Variants in LRCH3 observed in about 807,000 individuals in gnomAD.
The protein encoded by LRCH3 is leucine rich repeats and calponin homology domain containing 3, also known as DISP complex protein LRCH3.
Under a neutral mutation model 104.5 loss-of-function variants are expected in LRCH3, and 68 were observed. The observed-to-expected ratio is 0.65, with a 90% CI of 0.54 to 0.80. The LOEUF is 0.80. LRCH3 is among the 30% of genes least tolerant of loss of function. The pLI is 0.00. For synonymous variants in LRCH3, 344 were observed against 361.3 expected (o/e 0.95, Z 0.54); for missense variants, 951 against 953.9 (o/e 1.00, Z 0.04).
chr3:197,863,387 A>C (rs1741104518), intron 15 of LRCH3, among the ~76,000 whole-genome samples: 1 of 152,008 alleles, frequency 6.6e-6, no homozygotes, highest in Non-Finnish European at 1.5e-5. Flanking sequence ...TCAGCCTCCC[A>C]AGTAGCTGGG....
intron 13 of LRCH3, among the ~76,000 whole-genome samples, chr3:197,852,927 C>T (rs546877893): frequency 3.0e-4 from 46 of 152,214 alleles, no homozygotes; most frequent in Non-Finnish European, 5.0e-4. Flanking sequence ...GGAGCTTTAC[C>T]TGGTACAGGT....
At chr3:197,862,932 A>G (rs1741052490) in intron 15 of LRCH3, among the ~76,000 whole-genome samples, 2 of 152,226 alleles carry the variant, frequency 1.3e-5, no homozygotes, top group Admixed American at 1.3e-4. Context: ...TGTTACCAGA[A>G]AATTGTCTCC....
intron 3 of LRCH3, among the ~76,000 whole-genome samples, chr3:197,819,399 A>G (rs1272946269): frequency 6.6e-6 from 1 of 151,264 alleles, no homozygotes; most frequent in African/African-American, 2.4e-5. Context: ...AACCATTTTA[A>G]TGCCTAGAGC....
chr3:197,818,997 G>A (rs138098819), intron 3 of LRCH3, among the ~76,000 whole-genome samples: 3,949 of 151,992 alleles, frequency 0.026, 87 homozygotes, highest in Non-Finnish European at 0.037. Context: ...GTGGTGGCAC[G>A]CACCTGTTAT....
At position 197,872,360 on chromosome 3, in the gene LRCH3, GAAAAA is replaced by G. The variant is rs56254857; in HGVS notation, c.2130+914_2130+918del. 1.5e-4 allele frequency among the ~76,000 whole-genome samples: 16 copies of G among 105,384 alleles called. No homozygotes were observed. The East Asian group carries it at 1.6e-3, about 11-fold the overall frequency. 69.1% of individuals were successfully genotyped at this position (105,384 alleles called of 152,430 possible). ...TGAGAGAGCAAGACCCTGTCTCAAAGAAAAAAAAAAAAAAAAAAAAGGAATGATGA... is the reference window on the plus strand; with the variant it reads ...TGAGAGAGCAAGACCCTGTCTCAAAGAAAAAAAAAAAAAAAGGAATGATGA... On this transcript the variant is annotated intron_variant, in intron 19 of 20. Coordinates refer to ENST00000425562, the MANE Select transcript of LRCH3 (RefSeq NM_001365715.1).
In LRCH3 at chr3:197,832,227, C is replaced by A. The variant is rs765987791; in HGVS notation, c.1012C>A (p.Arg338=). The A allele has an allele frequency of 6.8e-6, 11 of 1,612,576 alleles. No homozygotes were observed. The highest frequency in any genetic ancestry group is 9.3e-6 in the Non-Finnish European group (11 of 1,178,926). Residue 338 remains arginine (R), a synonymous_variant, in exon 8 of 21, where the codon CGA becomes AGA. Coordinates refer to ENST00000425562, the MANE Select transcript of LRCH3 (RefSeq NM_001365715.1). Reference sequence around the variant, plus strand: ...AGATGAATTTTCAGATCTGCCTCTTCGAGTAGCAGAGATTACTAAAGAACA... The same window carrying A: ...AGATGAATTTTCAGATCTGCCTCTTAGAGTAGCAGAGATTACTAAAGAACA... ...PTDEFSDLPL[R]VAEITKEQRL... is the part of the protein sequence containing the mutation.
At chr3:197,815,148 T>C in intron 2 of LRCH3, 96 bp downstream of exon 2, 1 of 675,520 alleles carries the variant, frequency 1.5e-6, no homozygotes. Flanking sequence ...ATATGCTATC[T>C]ATTCATATCA....
At chr3:197,870,370 A>T (rs1038015272) in intron 18 of LRCH3, 92 bp downstream of exon 18, 27 of 1,285,582 alleles carry the variant, frequency 2.1e-5, no homozygotes, top group Non-Finnish European at 2.5e-5. Flanking sequence ...CATCATTTTT[A>T]TTTATTTTTT....
chr3:197,819,670 C>T (rs1310581427), intron 3 of LRCH3, among the ~76,000 whole-genome samples: 1 of 151,366 alleles, frequency 6.6e-6, no homozygotes, highest in African/African-American at 2.4e-5. Flanking sequence ...GAGCTGAGAT[C>T]GTGCTATTGC....
intron 20 of LRCH3, chr3:197,882,623 A>AT: frequency 1.0e-6 from 1 of 962,820 alleles, no homozygotes; most frequent in Non-Finnish European, 1.2e-6. Context: ...TTGTAAGAGC[A>AT]ATCTCTTTTC....
Position 197,815,064 on chromosome 3 carries a change from G to C in LRCH3, c.407+12G>C. The C allele has an allele frequency of 6.4e-6, 9 of 1,409,836 alleles. No individual in the cohort carries two copies. Among genetic ancestry groups the C allele is most frequent in the Non-Finnish European group, 8.6e-6 (9 of 1,043,542 alleles). The allele number at this position is 1,409,836 out of a possible 1,614,324, so 87.3% of individuals were successfully genotyped here. ...TTCTTAAATATTAGGTAAGAATATT[G>C]TTTTCTTATTTTAAATTTTTGGTTT... On this transcript the variant is annotated intron_variant, in intron 2 of 20. Transcript: ENST00000425562.
intron 20 of LRCH3, among the ~76,000 whole-genome samples, chr3:197,878,714 A>G (rs1713193688): frequency 6.6e-6 from 1 of 152,234 alleles, no homozygotes; most frequent in Non-Finnish European, 1.5e-5. Context: ...AAATGAATAA[A>G]CGCACAAACT....
chr3:197,833,824 G>T lies in LRCH3; in HGVS notation c.1102+1507G>T, dbSNP rs573366318. Among the ~76,000 whole-genome samples, 226 of 152,214 alleles carry T rather than the reference G, an allele frequency of 1.5e-3. 1 individual carries two copies. Among genetic ancestry groups the T allele is most frequent in the African/African-American group, 5.1e-3 (211 of 41,536 alleles). On this transcript the variant is annotated intron_variant, in intron 8 of 20. Coordinates refer to ENST00000425562, the MANE Select transcript of LRCH3 (RefSeq NM_001365715.1). ...CTCTTTGGCCACACTGGTCTAGATT[G>T]GATGAAGAAGTAAAGTTACTTTCTT...
intron 14 of LRCH3, 76 bp from the exon 15 acceptor site, chr3:197,858,758 A>G: frequency 8.8e-7 from 1 of 1,131,994 alleles, no homozygotes; most frequent in Admixed American, 1.7e-5. Flanking sequence ...TCATTTCACT[A>G]GTCAGATCTG....
rs1209592314 is a variant in LRCH3, at chr3:197,854,817, AT to A, written c.1644+374del. ...TATGTTAAGGTGACTCATGACACTG[AT>A]TGCACAGCTGTATATTTGGCATCCA... On this transcript the variant is annotated intron_variant, in intron 14 of 20. Transcript: ENST00000425562. The surrounding 1 kb of genome is among the most constrained non-coding windows in gnomAD (Gnocchi z 4.5). Among the ~76,000 whole-genome samples the A allele has an allele frequency of 7.2e-5, 11 of 152,158 alleles. No homozygotes were observed. The highest frequency in any genetic ancestry group is 2.7e-4 in the African/African-American group (11 of 41,428).
intron 1 of LRCH3, among the ~76,000 whole-genome samples, chr3:197,792,135 T>C (rs963875664): frequency 1.3e-5 from 2 of 151,676 alleles, no homozygotes; most frequent in African/African-American, 2.4e-5. Flanking sequence ...GGGGTGTGTG[T>C]GAAGTGAACC....
At position 197,883,356 on chromosome 3, in the gene LRCH3, GAC is replaced by G. The variant is rs1713951439; in HGVS notation, c.2209-183_2209-182del. On this transcript the variant is annotated intron_variant, in intron 20 of 20. Transcript: ENST00000425562. The surrounding 1 kb of genome is among the most constrained non-coding windows in gnomAD (Gnocchi z 4.2). Reference sequence around the variant, plus strand: ...GTACTTTTAGTTGTATTAATAAAGTGACAGTGAGTGTCAGACACCATCTCTCT... The same window carrying G: ...GTACTTTTAGTTGTATTAATAAAGTGAGTGAGTGTCAGACACCATCTCTCT... The G allele has an allele frequency of 2.9e-6, 4 of 1,389,078 alleles. No individual in the cohort carries two copies. The East Asian group carries it at 1.1e-4, about 37-fold the overall frequency. 86.0% of individuals were successfully genotyped at this position (1,389,078 alleles called of 1,614,324 possible).
rs375707414 is a variant in LRCH3, at chr3:197,836,822, C to A, written c.1251+1000C>A. 1.1e-4 allele frequency among the ~76,000 whole-genome samples: 17 copies of A among 152,116 alleles called. No individual in the cohort carries two copies. The South Asian group carries it at 1.7e-3, about 15-fold the overall frequency. ...CCTCCCGAGTAGCTGGGATTACAGG[C>A]ACCTGCCACCATGCCCGGCTAATTT... On this transcript the variant is annotated intron_variant, in intron 9 of 20. Transcript: ENST00000425562.
Position 197,865,404 on chromosome 3 carries a change from T to C in LRCH3, c.1717-19T>C, listed in dbSNP as rs761009668. 44 of 1,507,372 alleles carry C rather than the reference T, an allele frequency of 2.9e-5. No homozygotes were observed. The highest frequency in any genetic ancestry group is 3.7e-5 in the Non-Finnish European group (41 of 1,099,268). The allele number at this position is 1,507,372 out of a possible 1,614,324, so 93.4% of individuals were successfully genotyped here. On this transcript the variant is annotated intron_variant, in intron 15 of 20. Transcript: ENST00000425562. ...TCTTCTTGAATAACAATTATTGATA[T>C]ATGTCTGTTTCTCCACAGAGTGATG...
Sources: allele counts gnomAD v4.1 joint callset (sites outside exome capture counted in the v4.1 genomes callset), GRCh38; gene constraint gnomAD v4.1.1; non-coding constraint Gnocchi (gnomAD v3.1); transcripts MANE v1.5; gene names NCBI Gene and HGNC (gene_info 2026-07-23, HGNC 2026-07-21).